TRPM6: variants seen among roughly 807,000 people sequenced by gnomAD.
TRPM6 encodes the protein channel kinase 2.
A neutral mutation model predicts 247.6 loss-of-function variants in TRPM6; 111 were observed. The ratio of observed to expected loss-of-function variants is 0.45; its 90% confidence interval spans 0.38 to 0.52. The LOEUF is 0.52. TRPM6 is among the 20% of genes least tolerant of loss of function. TRPM6 has a pLI of 0.00. For missense variants in TRPM6, 2,126 were observed against 2,421.5 expected (o/e 0.88, Z 2.56); for synonymous variants, 892 against 853.8 (o/e 1.04, Z -0.78).
rs1563983454 is a variant in TRPM6, at chr9:74,723,591, TC to T, written c.*1021del. On this transcript the variant is annotated 3_prime_UTR_variant, in exon 39 of 39. Transcript: ENST00000360774. ...GCCAAGGCAGGTGGATCATCTGAGG[TC>T]AGGAGTTTGAGACCAGCCTGGCCAA... 1 of 149,844 alleles carries T rather than the reference TC, an allele frequency of 6.7e-6. No individual in the cohort carries two copies. The highest frequency in any genetic ancestry group is 2.5e-5 in the African/African-American group (1 of 40,702). The allele number at this position is 149,844 out of a possible 1,614,324, so 9.3% of individuals were successfully genotyped here.
intron 11 of TRPM6, among the ~76,000 whole-genome samples, chr9:74,814,359 A>G (rs1828850869): frequency 6.6e-6 from 1 of 152,200 alleles, no homozygotes; most frequent in Admixed American, 6.5e-5. Flanking sequence ...ATAGTTAGAA[A>G]GAATGAATAA....
At chr9:74,790,406 A>G (rs1278147946) in intron 19 of TRPM6, among the ~76,000 whole-genome samples, 1 of 152,140 alleles carries the variant, frequency 6.6e-6, no homozygotes, top group Non-Finnish European at 1.5e-5. Context: ...GTTTTTTGTC[A>G]TTGGTTTCAG....
intron 1 of TRPM6, among the ~76,000 whole-genome samples, chr9:74,871,364 T>G (rs1429865997): frequency 2.0e-5 from 3 of 152,144 alleles, no homozygotes; most frequent in Admixed American, 1.3e-4. Flanking sequence ...TACAGGTATA[T>G]CCCCCAAAAA....
chr9:74,767,848 T>G (rs998777283), intron 25 of TRPM6, among the ~76,000 whole-genome samples: 1 of 152,146 alleles, frequency 6.6e-6, no homozygotes, highest in African/African-American at 2.4e-5. Context: ...TGGTAGCATG[T>G]GCCTGTAGTC....
chr9:74,732,635 A>G, intron 37 of TRPM6, 50 bp downstream of exon 37: 1 of 1,352,798 alleles, frequency 7.4e-7, no homozygotes, highest in South Asian at 1.2e-5. Context: ...AAAACCATTT[A>G]CTATATGTTA....
At chr9:74,739,083 A>G (rs1825779709) in intron 35 of TRPM6, among the ~76,000 whole-genome samples, 1 of 152,238 alleles carries the variant, frequency 6.6e-6, no homozygotes, top group Admixed American at 6.5e-5. Flanking sequence ...GCCCCTGGAC[A>G]TTAATAACAC....
Position 74,812,450 on chromosome 9 carries a change from T to A in TRPM6, c.1309-17A>T, listed in dbSNP as rs1324170324. ...GGCATCAGGCTTCAGAAAGCACAAATAAGAAATATAAAGACAATTAAGAAA... is the reference window on the plus strand; with the variant it reads ...GGCATCAGGCTTCAGAAAGCACAAAAAAGAAATATAAAGACAATTAAGAAA... On this transcript the variant is annotated splice_polypyrimidine_tract_variant and intron_variant, in intron 11 of 38. Transcript: ENST00000360774. 1.3e-5 allele frequency: 21 copies of A among 1,606,034 alleles called. No homozygotes were observed. Among genetic ancestry groups the A allele is most frequent in the Non-Finnish European group, 1.6e-5 (19 of 1,176,750 alleles).
At chr9:74,772,512 C>A (rs961738113) in intron 24 of TRPM6, among the ~76,000 whole-genome samples, 7 of 152,094 alleles carry the variant, frequency 4.6e-5, no homozygotes, top group Non-Finnish European at 1.0e-4. Context: ...ATTAGATGTA[C>A]CTATTTTTGA....
chr9:74,731,026 A>C (rs548238776), intron 37 of TRPM6, among the ~76,000 whole-genome samples: 1 of 152,180 alleles, frequency 6.6e-6, no homozygotes, highest in Non-Finnish European at 1.5e-5. Flanking sequence ...TCAGGGCCCT[A>C]TCTTCAGAGA....
chr9:74,883,013 C>T (rs1032960047), intron 1 of TRPM6, among the ~76,000 whole-genome samples: 3 of 152,176 alleles, frequency 2.0e-5, no homozygotes, highest in African/African-American at 7.2e-5. Context: ...CATTAAACAA[C>T]TAAACATTTC....
intron 5 of TRPM6, among the ~76,000 whole-genome samples, chr9:74,835,830 T>C (rs1829703459): frequency 2.0e-5 from 3 of 152,012 alleles, no homozygotes; most frequent in South Asian, 2.1e-4. Context: ...CACAGCAAAA[T>C]TGAATGAAAA....
intron 36 of TRPM6, chr9:74,737,527 T>A: frequency 2.5e-6 from 2 of 798,916 alleles, no homozygotes; most frequent in Non-Finnish European, 3.7e-6. Context: ...CCTCTACATA[T>A]GAAACTCTTA....
chr9:74,771,629 C>T (rs776088849), intron 25 of TRPM6, 74 bp downstream of exon 25: 62 of 1,459,450 alleles, frequency 4.2e-5, no homozygotes, highest in Non-Finnish European at 5.7e-5. Flanking sequence ...AAAGATCTTT[C>T]TACACCTTTA....
At chr9:74,875,131 A>G (rs1831153741) in intron 1 of TRPM6, 1 of 392,208 alleles carries the variant, frequency 2.5e-6, no homozygotes, top group Non-Finnish European at 5.3e-6. Context: ...AGGCCACTAA[A>G]TAAGTAAATA....
intron 1 of TRPM6, among the ~76,000 whole-genome samples, chr9:74,874,717 T>A (rs1302196598): frequency 6.6e-6 from 1 of 151,734 alleles, no homozygotes; most frequent in African/African-American, 2.4e-5. Context: ...TCTTTTTTTT[T>A]AAGAATGTGT....
intron 7 of TRPM6, among the ~76,000 whole-genome samples, chr9:74,826,156 C>T (rs1829322831): frequency 6.6e-6 from 1 of 152,192 alleles, no homozygotes; most frequent in South Asian, 2.1e-4. Flanking sequence ...CAACACAATT[C>T]TAGACATCCC....
At chr9:74,825,051 G>A (rs1287257103) in intron 7 of TRPM6, among the ~76,000 whole-genome samples, 1 of 152,182 alleles carries the variant, frequency 6.6e-6, no homozygotes, top group Non-Finnish European at 1.5e-5. Flanking sequence ...CTTGAGGTCA[G>A]GAGTTCGAGA....
chr9:74,818,293 CTTTTTT>C (rs1161401022), intron 9 of TRPM6, among the ~76,000 whole-genome samples: 6 of 72,006 alleles, frequency 8.3e-5, no homozygotes, highest in African/African-American at 1.2e-4. Context: ...TCTATCATTT[CTTTTTT>C]TTTTTTTTTT....
chr9:74,815,326 T>C (rs1355441706), intron 11 of TRPM6, among the ~76,000 whole-genome samples: 5 of 152,172 alleles, frequency 3.3e-5, no homozygotes, highest in Admixed American at 1.3e-4. Context: ...TACTTCTCAA[T>C]AGAAATTCTG....
Sources: allele counts gnomAD v4.1 joint callset (sites outside exome capture counted in the v4.1 genomes callset), GRCh38; gene constraint gnomAD v4.1.1; transcripts MANE v1.5; gene names NCBI Gene and HGNC (gene_info 2026-07-23, HGNC 2026-07-21).